CALN1: variants seen among roughly 807,000 people sequenced by gnomAD.
CALN1 encodes the protein calcium-binding protein 8.
CALN1 carries 17 observed loss-of-function variants against 30.6 expected under a neutral mutation model. That is an observed-to-expected ratio of 0.56 (90% CI 0.38 to 0.83). The LOEUF (loss-of-function observed/expected upper bound fraction) is 0.83. CALN1 is among the 40% of genes least tolerant of loss of function. The pLI is 0.00. For missense variants in CALN1, 291 were observed against 354.9 expected, an observed-to-expected ratio of 0.82 and a Z score of 1.45; for synonymous variants, 156 against 131.4, an observed-to-expected ratio of 1.19 and a Z score of -1.28.
chr7:72,275,211 T>A (rs1797257448), intron 3 of CALN1, among the ~76,000 whole-genome samples: 1 of 152,104 alleles, frequency 6.6e-6, no homozygotes, highest in African/African-American at 2.4e-5. Context: ...GATGCTGCGA[T>A]GTCCATCAGT....
intron 2 of CALN1, among the ~76,000 whole-genome samples, chr7:72,396,251 A>AAAAAAAAAAAC (rs1554399567): frequency 9.4e-6 from 1 of 106,454 alleles, no homozygotes; most frequent in Non-Finnish European, 1.8e-5. Context: ...AAAAAAAAAA[A>AAAAAAAAAAAC]AAAAAAGAAA....
intron 3 of CALN1, among the ~76,000 whole-genome samples, chr7:72,128,766 G>C (rs1808943392): frequency 6.6e-6 from 1 of 152,198 alleles, no homozygotes; most frequent in Non-Finnish European, 1.5e-5. Context: ...CAGCTACTCA[G>C]GAGGCTGAGG....
chr7:72,283,885 CAGG>C (rs58077738), intron 2 of CALN1, among the ~76,000 whole-genome samples: 30,245 of 151,954 alleles, frequency 0.2, 4,301 homozygotes, highest in East Asian at 0.43. Context: ...TCCTGGGTGC[CAGG>C]GAGGCTGGCT....
chr7:72,389,384 T>C (rs1456901932), intron 2 of CALN1, among the ~76,000 whole-genome samples: 2 of 152,204 alleles, frequency 1.3e-5, no homozygotes, highest in Non-Finnish European at 2.9e-5. Flanking sequence ...GCCTTAAAAG[T>C]GTCCGAGGCA....
intron 3 of CALN1, among the ~76,000 whole-genome samples, chr7:72,254,201 C>T (rs962465324): frequency 2.0e-5 from 3 of 152,156 alleles, no homozygotes; most frequent in Non-Finnish European, 4.4e-5. Flanking sequence ...TTGTGTAGTG[C>T]ACTATAGAAT....
upstream of CALN1, among the ~76,000 whole-genome samples, chr7:72,449,873 T>TGA (rs1808625761): frequency 1.2e-4 from 2 of 16,876 alleles, no homozygotes; most frequent in Admixed American, 2.4e-3. Flanking sequence ...AGACTCCGTC[T>TGA]CAAAAAAAAA....
chr7:71,801,850 T>C (rs976639662), intron 6 of CALN1, among the ~76,000 whole-genome samples: 5 of 151,992 alleles, frequency 3.3e-5, no homozygotes, highest in African/African-American at 9.6e-5. Flanking sequence ...TGGTGGTGCA[T>C]GCCTGTAATC....
At chr7:71,787,933 AG>A in intron 6 of CALN1, 31 bp from the exon 7 acceptor site, 1 of 1,613,712 alleles carries the variant, frequency 6.2e-7, no homozygotes, top group South Asian at 1.1e-5. Context: ...TGTGGGAAGA[AG>A]GAAGAGGGGT....
intron 3 of CALN1, among the ~76,000 whole-genome samples, chr7:72,220,797 T>C (rs1793231832): frequency 6.6e-6 from 1 of 152,236 alleles, no homozygotes; most frequent in Non-Finnish European, 1.5e-5. Context: ...TGGCCAGTGA[T>C]GATGAGCATT....
intron 5 of CALN1, among the ~76,000 whole-genome samples, chr7:72,011,981 C>A (rs1486929805): frequency 6.6e-6 from 1 of 152,150 alleles, no homozygotes; most frequent in Non-Finnish European, 1.5e-5. Flanking sequence ...TGGGCGTCTA[C>A]AGTTCACATC....
chr7:72,279,073 G>A (rs1192467085), intron 2 of CALN1, among the ~76,000 whole-genome samples: 2 of 152,056 alleles, frequency 1.3e-5, no homozygotes, highest in Non-Finnish European at 2.9e-5. Context: ...TGTTGTCCTT[G>A]TTAATCATGG....
At chr7:72,336,371 T>TA (rs1425347611) in intron 2 of CALN1, among the ~76,000 whole-genome samples, 1 of 152,030 alleles carries the variant, frequency 6.6e-6, no homozygotes, top group Non-Finnish European at 1.5e-5. Flanking sequence ...GCCTGGGGGC[T>TA]AGAAGAGCGG....
intron 4 of CALN1, among the ~76,000 whole-genome samples, chr7:72,065,136 A>C (rs1280191089): frequency 6.7e-6 from 1 of 148,288 alleles, no homozygotes; most frequent in South Asian, 2.1e-4. Flanking sequence ...AAATATATTT[A>C]TATTTTAAAA....
At chr7:71,849,303 C>G (rs1790501447) in intron 5 of CALN1, among the ~76,000 whole-genome samples, 1 of 152,118 alleles carries the variant, frequency 6.6e-6, no homozygotes. Context: ...CCACGTAGAC[C>G]TGGGCATATA....
At chr7:71,906,508 C>A (rs1416699939) in intron 5 of CALN1, among the ~76,000 whole-genome samples, 4 of 152,050 alleles carry the variant, frequency 2.6e-5, no homozygotes, top group Non-Finnish European at 5.9e-5. Flanking sequence ...TGGTTAGGAG[C>A]CAGGCAGAAA....
At chr7:72,216,734 A>T (rs1792843448) in intron 3 of CALN1, among the ~76,000 whole-genome samples, 1 of 150,658 alleles carries the variant, frequency 6.6e-6, no homozygotes, top group Non-Finnish European at 1.5e-5. Flanking sequence ...TCTTTCTCCA[A>T]AAGAGACAAC....
chr7:72,036,259 C>G (rs1015034739), intron 4 of CALN1, among the ~76,000 whole-genome samples: 3 of 152,196 alleles, frequency 2.0e-5, no homozygotes, highest in Non-Finnish European at 4.4e-5. Flanking sequence ...CTCTCTCTTA[C>G]GGCTACAAAG....
intron 3 of CALN1, among the ~76,000 whole-genome samples, chr7:72,231,683 T>C (rs1315601566): frequency 1.3e-5 from 2 of 152,162 alleles, no homozygotes; most frequent in African/African-American, 2.4e-5. Flanking sequence ...AACTTTCTCA[T>C]ACGTAGGTAC....
At chr7:72,270,858 A>C (rs1796927464) in intron 3 of CALN1, among the ~76,000 whole-genome samples, 1 of 152,250 alleles carries the variant, frequency 6.6e-6, no homozygotes, top group South Asian at 2.1e-4. Flanking sequence ...AATGGTATCG[A>C]ACTGAACTGA....
Sources: allele counts gnomAD v4.1 joint callset (sites outside exome capture counted in the v4.1 genomes callset), GRCh38; gene constraint gnomAD v4.1.1; transcripts MANE v1.5; gene names NCBI Gene and HGNC (gene_info 2026-07-23, HGNC 2026-07-21).